The following DST variants were observed in gnomAD, a reference collection of about 807,000 sequenced individuals.
DST encodes dystonin.
A neutral mutation model predicts 875.2 loss-of-function variants in DST; 253 were observed. That is an observed-to-expected ratio of 0.29 (90% CI 0.26 to 0.32). The LOEUF (loss-of-function observed/expected upper bound fraction) is 0.32, where lower values mean the gene tolerates loss of function less well. DST is among the 10% of genes least tolerant of loss of function. The probability of loss-of-function intolerance (pLI) is 1.00; values close to 1 mark genes in which losing one functional copy is unlikely to be tolerated. For missense variants in DST, 8,287 were observed against 9,111.6 expected, an observed-to-expected ratio of 0.91 and a Z score of 3.68; for synonymous variants, 3,124 against 3,197.1, an observed-to-expected ratio of 0.98 and a Z score of 0.77.
chr6:56,712,053 T>C (rs2099366801), intron 5 of DST, among the ~76,000 whole-genome samples: 1 of 137,822 alleles, frequency 7.3e-6, no homozygotes, highest in Non-Finnish European at 1.6e-5. Context: ...ATCCCGCCAC[T>C]GCACTCCAGC....
At chr6:56,528,495 T>C (rs1450080503) in intron 67 of DST, among the ~76,000 whole-genome samples, 1 of 152,248 alleles carries the variant, frequency 6.6e-6, no homozygotes, top group East Asian at 1.9e-4. Context: ...CAATGCGATC[T>C]ATCTTAAAAA....
chr6:56,807,946 A>G (rs1189267781), intron 4 of DST, among the ~76,000 whole-genome samples: 2 of 152,214 alleles, frequency 1.3e-5, no homozygotes, highest in Non-Finnish European at 2.9e-5. Flanking sequence ...AATTCCAGGC[A>G]TACTATGGCT....
At chr6:56,615,949 T>A (rs2152728536) in intron 36 of DST, 3 of 1,614,214 alleles carry the variant, frequency 1.9e-6, no homozygotes, top group Non-Finnish European at 2.5e-6. Flanking sequence ...CAACCAGGCC[T>A]CTATGCAAAG....
At chr6:56,681,232 C>T (rs1588446679) in intron 9 of DST, among the ~76,000 whole-genome samples, 1 of 152,296 alleles carries the variant, frequency 6.6e-6, no homozygotes, top group Admixed American at 6.5e-5. Flanking sequence ...AAAGAAGCTG[C>T]TGGAGTCATC....
Position 56,630,373 on chromosome 6 carries a change from C to G in DST, c.4153G>C (p.Val1385Leu). 1 of 1,612,514 alleles carries G rather than the reference C, an allele frequency of 6.2e-7. No individual in the cohort carries two copies. Among genetic ancestry groups the G allele is most frequent in the Non-Finnish European group, 8.5e-7 (1 of 1,179,810 alleles). ...SSTYIDKLKT[V>L]NLVLKNTQAA... ...TGAGTGTTTTTTAACACCAAGTTAA[C>G]AGTTTTCAACCTTAAAAAGGAAATT... Residue 1385 changes from valine to leucine, a missense_variant, in exon 31 of 104, where the codon GTT becomes CTT. Val to Leu is a conservative substitution (Grantham distance 32, BLOSUM62 1). Transcript: ENST00000680361.
intron 62 of DST, 72 bp downstream of exon 62, chr6:56,536,707 T>C: frequency 2.2e-6 from 3 of 1,387,168 alleles, no homozygotes; most frequent in Admixed American, 2.5e-5. Flanking sequence ...ACCACAAATA[T>C]GATTCATGGT....
In DST at chr6:56,637,866, C is replaced by T. The variant is rs114277287; in HGVS notation, c.2965-1214G>A. 8.6e-3 allele frequency among the ~76,000 whole-genome samples: 1,311 copies of T among 152,042 alleles called. 16 individuals are homozygous for T. The highest frequency in any genetic ancestry group is 0.029 in the African/African-American group (1,208 of 41,472). ...CTGAGCTATACTTAGGCAGGACTTC[C>T]GAATGGAATGTATGATGCAGCATTG... On this transcript the variant is annotated intron_variant, in intron 22 of 103. Coordinates refer to ENST00000680361, the MANE Select transcript of DST (RefSeq NM_001374736.1).
rs144214074 is a variant in DST, at chr6:56,927,548, C to T, written c.216+26237G>A. Reference sequence around the variant, plus strand: ...GAATCAGTAGTGCATTAAAAGAATACAATATGATGAAGGGAGATTTGTTAC... The same window carrying T: ...GAATCAGTAGTGCATTAAAAGAATATAATATGATGAAGGGAGATTTGTTAC... On this transcript the variant is annotated intron_variant, in intron 2 of 103. Coordinates refer to ENST00000680361, the MANE Select transcript of DST (RefSeq NM_001374736.1). Among the ~76,000 whole-genome samples, 415 of 152,130 alleles carry T rather than the reference C, an allele frequency of 2.7e-3. 1 individual carries two copies. The highest frequency in any genetic ancestry group is 3.3e-3 in the Non-Finnish European group (222 of 67,978).
chr6:56,469,919 T>C lies in DST; in HGVS notation c.22515A>G (p.Arg7505=). The C allele has an allele frequency of 6.2e-7, 1 of 1,613,478 alleles. No homozygotes were observed. Among genetic ancestry groups the C allele is most frequent in the Non-Finnish European group, 8.5e-7 (1 of 1,179,468 alleles). Residue 7505 remains arginine, a synonymous_variant, in exon 97 of 104, where the codon CGA becomes CGG. Transcript: ENST00000680361. The stretch of plus-strand genomic sequence containing the variant: ...TATCACCAATCTGCTCAACTTGAAA[T>C]CGCTTTGCACATTTACACTTAGCTA... The part of the protein sequence containing the change: ...RQVAKCKCAK[R]FQVEQIGDNK...
intron 10 of DST, among the ~76,000 whole-genome samples, chr6:56,658,181 GC>G (rs1005209192): frequency 6.6e-6 from 1 of 152,132 alleles, no homozygotes; most frequent in African/African-American, 2.4e-5. Flanking sequence ...TCCTGCCTCA[GC>G]CCAGCCTCCC....
chr6:56,645,814 C>T (rs974171177), intron 15 of DST, 52 bp downstream of exon 15: 2 of 1,595,004 alleles, frequency 1.3e-6, no homozygotes, highest in African/African-American at 2.7e-5. Context: ...CACAAGAACA[C>T]AAAGGCCCCC....
chr6:56,675,111 T>C (rs572912104), intron 9 of DST, among the ~76,000 whole-genome samples: 1 of 152,348 alleles, frequency 6.6e-6, no homozygotes, highest in African/African-American at 2.4e-5. Flanking sequence ...CATGCATTTA[T>C]GGTCAATTGA....
intron 5 of DST, among the ~76,000 whole-genome samples, chr6:56,718,834 T>C (rs906826010): frequency 7.2e-5 from 11 of 152,286 alleles, no homozygotes; most frequent in Middle Eastern, 6.8e-3. Flanking sequence ...TCTGTTTATG[T>C]GAAATATCCA....
At chr6:56,913,580 A>C (rs1799644012) in intron 2 of DST, among the ~76,000 whole-genome samples, 1 of 151,846 alleles carries the variant, frequency 6.6e-6, no homozygotes, top group Non-Finnish European at 1.5e-5. Context: ...AAAGTCAAAA[A>C]TACTGTACTT....
intron 3 of DST, among the ~76,000 whole-genome samples, chr6:56,864,635 T>C (rs1485275820): frequency 6.6e-6 from 1 of 152,164 alleles, no homozygotes; most frequent in African/African-American, 2.4e-5. Context: ...ACGTGAATAA[T>C]CATACCTACT....
At chr6:56,842,273 CTT>C (rs1343353606) in intron 4 of DST, among the ~76,000 whole-genome samples, 2 of 152,130 alleles carry the variant, frequency 1.3e-5, no homozygotes, top group Non-Finnish European at 2.9e-5. Context: ...GTGAGCTGCT[CTT>C]GAGTTCGGAG....
At position 56,813,829 on chromosome 6, in the gene DST, A is replaced by T. The variant is rs75765132; in HGVS notation, c.625+37568T>A. Among the ~76,000 whole-genome samples, 1,047 of 152,258 alleles carry T rather than the reference A, an allele frequency of 6.9e-3. 15 individuals are homozygous for T. The highest frequency in any genetic ancestry group is 0.024 in the African/African-American group (1,015 of 41,554). ...CCTTCTGTGGAAATTTTTCTAATCCATTATACTAGAGTTTCATTATGATGC... is the reference window on the plus strand; with the variant it reads ...CCTTCTGTGGAAATTTTTCTAATCCTTTATACTAGAGTTTCATTATGATGC... On this transcript the variant is annotated intron_variant, in intron 4 of 103. Transcript: ENST00000680361.
Position 56,609,160 on chromosome 6 carries a change from C to G in DST, c.5468G>C (p.Ser1823Thr). ...RKCFDLKDAK[S>T]HGLIDEQILC... ...AATTTGTTCATCAATAAGGCCATGACTTTTGGCATCTTTAAGGTCAAAGCA... is the reference window on the plus strand; with the variant it reads ...AATTTGTTCATCAATAAGGCCATGAGTTTTGGCATCTTTAAGGTCAAAGCA... The change falls in exon 40 of 104, where the codon AGT becomes ACT. Residue 1823 changes from serine (S) to threonine (T), a missense_variant. Ser to Thr is a moderately conservative substitution (Grantham distance 58, BLOSUM62 1). Around this residue, in one of 10 missense-constraint regions of DST, gnomAD observed 3,138 missense variants for 3,116.6 expected, o/e 1.01. Transcript: ENST00000680361. The G allele has an allele frequency of 1.9e-6, 3 of 1,613,852 alleles. No individual in the cohort carries two copies. Among genetic ancestry groups the G allele is most frequent in the Non-Finnish European group, 2.5e-6 (3 of 1,179,800 alleles).
chr6:56,528,912 T>C lies in DST; in HGVS notation c.17609A>G (p.Asp5870Gly). The C allele has an allele frequency of 6.3e-7, 1 of 1,582,904 alleles. No homozygotes were observed. The highest frequency in any genetic ancestry group is 8.6e-7 in the Non-Finnish European group (1 of 1,162,128). Residue 5870 changes from aspartate (D) to glycine (G), a missense_variant, in exon 67 of 104, where the codon GAC becomes GGC. By Grantham distance (94) the Asp-to-Gly change is moderately conservative. Transcript: ENST00000680361. Reference sequence around the variant, plus strand: ...TACATTTTGTTTCCTGAGTAAGATGTCCTCTTGCAGAACCTGAAAACACAG... The same window carrying C: ...TACATTTTGTTTCCTGAGTAAGATGCCCTCTTGCAGAACCTGAAAACACAG... ...QQSELRVLQE[D>G]ILLRKQNVDQ...
Sources: gnomAD v4.1 joint callset for allele counts (sites outside exome capture counted in the v4.1 genomes callset) on GRCh38, gnomAD v4.1.1 for gene constraint, gnomAD v4.1.1 regional missense constraint, MANE v1.5 for transcripts, NCBI Gene and HGNC (gene_info 2026-07-23, HGNC 2026-07-21) for gene names.